Variants in NDUFAF6 observed in about 807,000 individuals in gnomAD.
The protein encoded by NDUFAF6 is NADH:ubiquinone oxidoreductase complex assembly factor 6.
Under a neutral mutation model 40.8 loss-of-function variants are expected in NDUFAF6, and 45 were observed. That is an observed-to-expected ratio of 1.10 (90% CI 0.87 to 1.42). The LOEUF (loss-of-function observed/expected upper bound fraction) is 1.42, where lower values mean the gene tolerates loss of function less well. Ranked by LOEUF, NDUFAF6 falls within the 40% of genes most tolerant of loss-of-function variation. The pLI, the probability that NDUFAF6 is intolerant of heterozygous loss-of-function variation, is 0.00. For missense variants in NDUFAF6, 435 were observed against 418.5 expected, an observed-to-expected ratio of 1.04 and a Z score of -0.34; for synonymous variants, 185 against 155.9, an observed-to-expected ratio of 1.19 and a Z score of -1.39.
intron 1 of NDUFAF6, among the ~76,000 whole-genome samples, chr8:94,900,487 A>G (rs1354453771): frequency 6.6e-6 from 1 of 152,086 alleles, no homozygotes; most frequent in Non-Finnish European, 1.5e-5. Flanking sequence ...TTAAAAAGGA[A>G]GGCATTGTAG....
At chr8:94,988,145 G>C (rs1266364826) in intron 2 of NDUFAF6, among the ~76,000 whole-genome samples, 1 of 152,170 alleles carries the variant, frequency 6.6e-6, no homozygotes, top group African/African-American at 2.4e-5. Flanking sequence ...TGAATCCCAT[G>C]TGTGTCCTTC....
Position 94,961,925 on chromosome 8 carries a change from C to T in NDUFAF6, c.-199+3746C>T, listed in dbSNP as rs539657906. 3.3e-4 allele frequency among the ~76,000 whole-genome samples: 51 copies of T among 152,308 alleles called. 1 individual carries two copies. The highest frequency in any genetic ancestry group is 1.2e-3 in the African/African-American group (49 of 41,562). ...GGAGGGCTTGTTGTATCACAGATTGCCAGGGCCCGTCTCCAGCATTTCTGA... is the reference window on the plus strand; with the variant it reads ...GGAGGGCTTGTTGTATCACAGATTGTCAGGGCCCGTCTCCAGCATTTCTGA... On this transcript the variant is annotated intron_variant, in intron 1 of 9. Transcript: ENST00000396111.
At chr8:95,104,524 C>G (rs1809758933), downstream of NDUFAF6, among the ~76,000 whole-genome samples, 1 of 152,188 alleles carries the variant, frequency 6.6e-6, no homozygotes, top group Admixed American at 6.5e-5. Flanking sequence ...AAGGTACTGA[C>G]TTTCCTTTTG....
At position 95,041,983 on chromosome 8, in the gene NDUFAF6, C is replaced by CAT. The variant is rs533908976; in HGVS notation, c.477+364_477+365dup. ...CATCTTATCATTTGATTTGTAAATACATATATATCTTAAAAAGATAAAGAC... is the reference window on the plus strand; with the variant it reads ...CATCTTATCATTTGATTTGTAAATACATATATATATCTTAAAAAGATAAAGAC... On this transcript the variant is annotated intron_variant, in intron 4 of 8. Coordinates refer to ENST00000396124, the MANE Select transcript of NDUFAF6 (RefSeq NM_152416.4). 9.9e-4 allele frequency among the ~76,000 whole-genome samples: 151 copies of CAT among 152,188 alleles called. 1 individual carries two copies. Among genetic ancestry groups the CAT allele is most frequent in the African/African-American group, 3.5e-3 (144 of 41,528 alleles).
chr8:94,930,535 C>T (rs1337648742), intron 1 of NDUFAF6: 2 of 1,614,232 alleles, frequency 1.2e-6, no homozygotes, highest in Non-Finnish European at 1.7e-6. Context: ...TTGTGCTTGA[C>T]TTGCCGAGGG....
chr8:94,951,324 G>C, intron 2 of NDUFAF6: 1 of 152,240 alleles, frequency 6.6e-6, no homozygotes, highest in East Asian at 1.9e-4. Flanking sequence ...ACAGAGGAGA[G>C]ATAAGCCATC....
intron 2 of NDUFAF6, chr8:94,950,644 C>T (rs1822519435): frequency 6.6e-6 from 1 of 152,196 alleles, no homozygotes; most frequent in African/African-American, 2.4e-5. Context: ...AGAGCTAAAA[C>T]TGTGTTCTAG....
downstream of NDUFAF6, among the ~76,000 whole-genome samples, chr8:95,060,352 G>T (rs559030030): frequency 2.6e-5 from 4 of 152,280 alleles, no homozygotes; most frequent in South Asian, 8.3e-4. Flanking sequence ...GTGCTTTGTT[G>T]TTGAATAAGT....
At chr8:95,007,915 G>A (rs920538550) in intron 2 of NDUFAF6, among the ~76,000 whole-genome samples, 1 of 151,936 alleles carries the variant, frequency 6.6e-6, no homozygotes, top group African/African-American at 2.4e-5. Context: ...GTAGAGACGG[G>A]GTCTCACTAT....
intron 1 of NDUFAF6, among the ~76,000 whole-genome samples, chr8:94,915,529 A>G (rs559172617): frequency 2.0e-5 from 3 of 152,218 alleles, no homozygotes; most frequent in African/African-American, 7.2e-5. Flanking sequence ...TGTGATGAAC[A>G]TGCGAGTGCA....
chr8:95,027,468 T>C (rs959299701), intron 1 of NDUFAF6, among the ~76,000 whole-genome samples: 5 of 151,418 alleles, frequency 3.3e-5, no homozygotes, highest in African/African-American at 1.2e-4. Flanking sequence ...TAGTCCCAGC[T>C]ACTCTGGAGG....
At chr8:95,015,837 C>T (rs1827420867) in intron 2 of NDUFAF6, among the ~76,000 whole-genome samples, 1 of 152,122 alleles carries the variant, frequency 6.6e-6, no homozygotes, top group Non-Finnish European at 1.5e-5. Context: ...AGACTGGGAC[C>T]AGGGACTTAC....
At chr8:95,052,360 C>A (rs539099755) in intron 8 of NDUFAF6, 130 bp downstream of exon 8, 55 of 960,630 alleles carry the variant, frequency 5.7e-5, no homozygotes, top group Non-Finnish European at 8.0e-5. Context: ...TCCCTCATGG[C>A]GGCTTTCATT....
At chr8:94,969,468 A>G (rs139842022) in intron 1 of NDUFAF6, among the ~76,000 whole-genome samples, 2,033 of 152,236 alleles carry the variant, frequency 0.013, 28 homozygotes, top group South Asian at 0.021. Context: ...CAGCAGCTGG[A>G]CAATATTGGA....
intron 2 of NDUFAF6, among the ~76,000 whole-genome samples, chr8:94,985,669 G>A (rs1286592786): frequency 2.7e-5 from 4 of 146,640 alleles, no homozygotes; most frequent in Non-Finnish European, 6.0e-5. Context: ...CCGAGTAGGT[G>A]GGATTACAGG....
chr8:95,024,946 G>C, upstream of NDUFAF6: 1 of 1,256,270 alleles, frequency 8.0e-7, no homozygotes, highest in South Asian at 2.8e-5. Context: ...ACCTGCAGGG[G>C]CGTGGCCGGG....
At chr8:94,905,855 C>T (rs768939105) in intron 1 of NDUFAF6, among the ~76,000 whole-genome samples, 3 of 152,196 alleles carry the variant, frequency 2.0e-5, no homozygotes, top group Admixed American at 6.5e-5. Flanking sequence ...CCTGCCCACA[C>T]GTTGTAGATT....
At chr8:95,068,741 G>A (rs1832760765) in intron 9 of NDUFAF6, 1 of 151,798 alleles carries the variant, frequency 6.6e-6, no homozygotes, top group East Asian at 1.9e-4. Flanking sequence ...TGCGTTCTGC[G>A]AGCGAATGCC....
In NDUFAF6 at chr8:95,058,551, C is replaced by A. The variant is rs1027354902; in HGVS notation, c.*614C>A. 5 of 1,219,324 alleles carry A rather than the reference C, an allele frequency of 4.1e-6. No individual in the cohort carries two copies. The African/African-American group carries it at 7.8e-5, about 19-fold the overall frequency. The allele number at this position is 1,219,324 out of a possible 1,614,324, so 75.5% of individuals were successfully genotyped here. ...GAGCAGAGCCTTAATTTGACTTTAG[C>A]TCTGGCTGGTCTGGAAGCTTTTACT... On this transcript the variant is annotated 3_prime_UTR_variant, in exon 9 of 9. Transcript: ENST00000396124.
Sources: allele counts gnomAD v4.1 joint callset (sites outside exome capture counted in the v4.1 genomes callset), GRCh38; gene constraint gnomAD v4.1.1; transcripts MANE v1.5; gene names NCBI Gene and HGNC (gene_info 2026-07-23, HGNC 2026-07-21).